Variants in GRAMD1C observed in about 807,000 individuals in gnomAD.
The protein encoded by GRAMD1C is GRAM domain containing 1C, also known as protein Aster-C.
Under a neutral mutation model 97.8 loss-of-function variants are expected in GRAMD1C, and 89 were observed. That is an observed-to-expected ratio of 0.91 (90% CI 0.77 to 1.09). The LOEUF (loss-of-function observed/expected upper bound fraction) is 1.09. Among genes scored for constraint, GRAMD1C ranks in the 50% least tolerant of loss-of-function variants. The probability of loss-of-function intolerance (pLI) is 0.00; values close to 1 mark genes in which losing one functional copy is unlikely to be tolerated. For synonymous variants in GRAMD1C, 256 were observed against 267.0 expected (o/e 0.96, Z 0.40); for missense variants, 740 against 766.4 (o/e 0.97, Z 0.41).
At chr3:113,871,317 A>G (rs1008789251) in intron 3 of GRAMD1C, among the ~76,000 whole-genome samples, 2 of 152,150 alleles carry the variant, frequency 1.3e-5, no homozygotes, top group African/African-American at 2.4e-5. Flanking sequence ...CTTAATATAT[A>G]CTCATGACAA....
intron 5 of GRAMD1C, among the ~76,000 whole-genome samples, chr3:113,878,552 A>C (rs1349447180): frequency 8.5e-5 from 13 of 152,082 alleles, no homozygotes; most frequent in Non-Finnish European, 1.8e-4. Flanking sequence ...ACATATATAC[A>C]CTCACTTATA....
chr3:113,919,601 T>C lies in GRAMD1C; in HGVS notation c.1090+3763T>C, dbSNP rs150268544. 1.3e-4 allele frequency: 78 copies of C among 601,392 alleles called. No individual in the cohort carries two copies. In the East Asian group the frequency reaches 3.1e-3, roughly 24 times the overall value. 37.3% of individuals were successfully genotyped at this position (601,392 alleles called of 1,614,324 possible). A position where few individuals can be genotyped will look rare whatever the true frequency, so the allele number is the denominator to read the frequency against. On this transcript the variant is annotated intron_variant, in intron 10 of 17. Coordinates refer to ENST00000358160, the MANE Select transcript of GRAMD1C (RefSeq NM_017577.5). ...ATCTGACATCGGTGCCAGTGTTCAC[T>C]TGAGGTATTTTCTTAAAGTGACAAT...
intron 2 of GRAMD1C, among the ~76,000 whole-genome samples, chr3:113,866,585 T>G (rs1934595464): frequency 6.6e-6 from 1 of 152,204 alleles, no homozygotes; most frequent in Admixed American, 6.5e-5. Context: ...TCCATATGTT[T>G]TATACCTTTT....
At chr3:113,862,084 G>T (rs891211431) in intron 2 of GRAMD1C, among the ~76,000 whole-genome samples, 1 of 152,160 alleles carries the variant, frequency 6.6e-6, no homozygotes, top group African/African-American at 2.4e-5. Flanking sequence ...TGGAGGCAGG[G>T]TGAGATCACA....
chr3:113,932,886 C>CTTT (rs11370149), intron 11 of GRAMD1C, among the ~76,000 whole-genome samples: 2 of 141,994 alleles, frequency 1.4e-5, no homozygotes. Flanking sequence ...TTTCTTCTTT[C>CTTT]TTTTTTTTTT....
intron 6 of GRAMD1C, chr3:113,885,862 T>C (rs879086974): frequency 5.6e-6 from 9 of 1,612,110 alleles, no homozygotes; most frequent in African/African-American, 4.0e-5. Flanking sequence ...GATAACTCCC[T>C]AGGGGCTTAC....
chr3:113,856,696 T>G (rs1934144644), intron 2 of GRAMD1C, among the ~76,000 whole-genome samples: 2 of 151,972 alleles, frequency 1.3e-5, no homozygotes, highest in African/African-American at 4.8e-5. Context: ...CGTGCCACCA[T>G]GCCTGGCTAA....
rs752556125 is a variant in GRAMD1C at position 113,869,569 on chromosome 3, T to A, written c.237T>A (p.Pro79=). ...ACAGAAGACAGTTCACACATCTACC[T>A]GATACAGAGAGGCTGATAGCAGGTA... is the stretch of plus-strand genomic sequence containing the variant. ...EEYRRQFTHL[P]DTERLIADYA... is the part of the protein sequence containing the mutation. Residue 79 remains proline (P), a synonymous_variant, in exon 3 of 18, where the codon CCT becomes CCA. Transcript: ENST00000358160. 20 of 1,526,850 alleles carry A rather than the reference T, an allele frequency of 1.3e-5. No homozygotes were observed. The highest frequency in any genetic ancestry group is 1.7e-5 in the Non-Finnish European group (19 of 1,116,322). 94.6% of individuals were successfully genotyped at this position (1,526,850 alleles called of 1,614,324 possible). A position where few individuals can be genotyped will look rare whatever the true frequency, so the allele number is the denominator to read the frequency against.
chr3:113,843,049 G>GTTTTTTTTTTTTTTTT (rs71144092), intron 1 of GRAMD1C, among the ~76,000 whole-genome samples: 173 of 53,430 alleles, frequency 3.2e-3, no homozygotes, highest in Non-Finnish European at 4.1e-3. Context: ...ACCATAAGCT[G>GTTTTTTTTTTTTTTTT]TTTTTTTTTT....
intron 6 of GRAMD1C, among the ~76,000 whole-genome samples, chr3:113,899,036 G>GGAGGAAGAAA (rs1936043421): frequency 1.3e-5 from 2 of 152,000 alleles, no homozygotes. Flanking sequence ...GAAGAAAAAA[G>GGAGGAAGAAA]GAGGAAGAAA....
chr3:113,885,116 T>A (rs1204076539), intron 6 of GRAMD1C, among the ~76,000 whole-genome samples: 1 of 151,456 alleles, frequency 6.6e-6, no homozygotes, highest in East Asian at 2.0e-4. Context: ...AGCTCCCCAT[T>A]CCGCTGGGCT....
At chr3:113,912,108 C>T (rs958020229) in intron 9 of GRAMD1C, among the ~76,000 whole-genome samples, 2 of 152,130 alleles carry the variant, frequency 1.3e-5, no homozygotes, top group Non-Finnish European at 2.9e-5. Flanking sequence ...GAATAATTTG[C>T]GGCTACACAA....
intron 8 of GRAMD1C, 41 bp downstream of exon 8, chr3:113,904,313 T>G: frequency 7.6e-7 from 1 of 1,324,104 alleles, no homozygotes; most frequent in Non-Finnish European, 1.1e-6. Flanking sequence ...TCTGGTACTG[T>G]CATGTCCTAA....
intron 2 of GRAMD1C, among the ~76,000 whole-genome samples, chr3:113,846,539 A>G (rs72952678): frequency 0.028 from 4,230 of 152,268 alleles, 212 homozygotes; most frequent in African/African-American, 0.097. Flanking sequence ...GTAATGCAAG[A>G]AAAGGAAAAA....
chr3:113,849,446 C>T (rs1017340692), intron 2 of GRAMD1C, among the ~76,000 whole-genome samples: 9 of 151,868 alleles, frequency 5.9e-5, no homozygotes, highest in Non-Finnish European at 1.3e-4. Context: ...CTGCAGCCTT[C>T]CGCAGTGTTT....
chr3:113,898,664 C>CAT (rs1936029281), intron 6 of GRAMD1C, among the ~76,000 whole-genome samples: 1 of 152,024 alleles, frequency 6.6e-6, no homozygotes, highest in Non-Finnish European at 1.5e-5. Flanking sequence ...AATATTAAAA[C>CAT]ATCACTACTT....
chr3:113,846,297 G>A (rs1482918708), intron 2 of GRAMD1C, among the ~76,000 whole-genome samples: 1 of 151,992 alleles, frequency 6.6e-6, no homozygotes, highest in Non-Finnish European at 1.5e-5. Flanking sequence ...GTAGAGACGG[G>A]GTTTCATCAT....
chr3:113,906,843 C>A (rs533424965), intron 8 of GRAMD1C, among the ~76,000 whole-genome samples: 1 of 151,954 alleles, frequency 6.6e-6, no homozygotes, highest in Admixed American at 6.6e-5. Context: ...TCTTTTGTAC[C>A]GTGTTTTTAC....
intron 6 of GRAMD1C, chr3:113,890,998 CTG>C: frequency 6.2e-6 from 3 of 480,196 alleles, no homozygotes; most frequent in Non-Finnish European, 1.1e-5. Flanking sequence ...CTGATATTAT[CTG>C]TGTTTCTGAT....
Sources: allele counts gnomAD v4.1 joint callset (sites outside exome capture counted in the v4.1 genomes callset), GRCh38; gene constraint gnomAD v4.1.1; transcripts MANE v1.5; gene names NCBI Gene and HGNC (gene_info 2026-07-23, HGNC 2026-07-21).